The following CACNA2D2 variants were observed in gnomAD, a reference collection of about 807,000 sequenced individuals.
CACNA2D2 encodes calcium voltage-gated channel auxiliary subunit alpha2delta 2.
A neutral mutation model predicts 166.4 loss-of-function variants in CACNA2D2; 48 were observed. The ratio of observed to expected loss-of-function variants is 0.29; its 90% confidence interval spans 0.23 to 0.37. The LOEUF is 0.37. Ranked by LOEUF, CACNA2D2 falls within the 10% of genes least tolerant of loss-of-function variation. CACNA2D2 has a pLI of 1.00. For missense variants in CACNA2D2, 1,122 were observed against 1,433.0 expected (o/e 0.78, Z 3.50); for synonymous variants, 561 against 573.7 (o/e 0.98, Z 0.32).
At chr3:50,499,262 G>A (rs1195534528) in intron 1 of CACNA2D2, among the ~76,000 whole-genome samples, 4 of 152,222 alleles carry the variant, frequency 2.6e-5, no homozygotes, top group Non-Finnish European at 4.4e-5. Flanking sequence ...GCACAGTCAT[G>A]GCAGGGCAGC....
chr3:50,497,826 A>G (rs1483711008), intron 1 of CACNA2D2, among the ~76,000 whole-genome samples: 1 of 152,216 alleles, frequency 6.6e-6, no homozygotes, highest in Non-Finnish European at 1.5e-5. Flanking sequence ...CAAGAGAAGA[A>G]GGGAAGCAAA....
chr3:50,419,227 C>A (rs1363405965), intron 3 of CACNA2D2, among the ~76,000 whole-genome samples: 2 of 152,164 alleles, frequency 1.3e-5, no homozygotes, highest in African/African-American at 4.8e-5. Context: ...AAAACAGGGA[C>A]CTGAGGACAT....
chr3:50,441,651 G>A (rs1266675741), intron 2 of CACNA2D2, among the ~76,000 whole-genome samples: 1 of 152,264 alleles, frequency 6.6e-6, no homozygotes, highest in Non-Finnish European at 1.5e-5. Flanking sequence ...CCTGGGTGTA[G>A]CCCTTTGCTC....
intron 2 of CACNA2D2, among the ~76,000 whole-genome samples, chr3:50,439,059 T>C (rs780434969): frequency 2.6e-5 from 4 of 152,262 alleles, no homozygotes; most frequent in Non-Finnish European, 4.4e-5. Flanking sequence ...AAACTGCGGT[T>C]TGAACTGGGT....
intron 1 of CACNA2D2, among the ~76,000 whole-genome samples, chr3:50,479,053 A>G (rs1697925682): frequency 6.6e-6 from 1 of 152,220 alleles, no homozygotes; most frequent in Non-Finnish European, 1.5e-5. Flanking sequence ...ACACATTATT[A>G]TAATCATCAT....
intron 2 of CACNA2D2, among the ~76,000 whole-genome samples, chr3:50,464,423 C>G (rs1050111108): frequency 6.6e-6 from 1 of 152,180 alleles, no homozygotes; most frequent in African/African-American, 2.4e-5. Context: ...TCCTGGGCAA[C>G]AGAGGGGCAT....
Position 50,382,854 on chromosome 3 carries a change from G to A in CACNA2D2, c.652+1342C>T, listed in dbSNP as rs1418112584. 3.9e-5 allele frequency among the ~76,000 whole-genome samples: 6 copies of A among 152,200 alleles called. No individual in the cohort carries two copies. The South Asian group carries it at 8.3e-4, about 21-fold the overall frequency. On this transcript the variant is annotated intron_variant, in intron 6 of 37. Transcript: ENST00000424201. ...CAAGAGGAGACCCCTGCTCTGCGTGGGCTGTCCATGCAGGTACCTGTGACC... is the reference window on the plus strand; with the variant it reads ...CAAGAGGAGACCCCTGCTCTGCGTGAGCTGTCCATGCAGGTACCTGTGACC...
At chr3:50,451,349 C>T (rs1340063215) in intron 2 of CACNA2D2, among the ~76,000 whole-genome samples, 1 of 152,082 alleles carries the variant, frequency 6.6e-6, no homozygotes, top group Non-Finnish European at 1.5e-5. Context: ...TGGTCTTGAA[C>T]TCCTGACCTC....
In CACNA2D2 at chr3:50,363,506, A is replaced by G; in HGVS notation, c.*1160T>C. 1 of 369,622 alleles carries G rather than the reference A, an allele frequency of 2.7e-6. No individual in the cohort carries two copies. The highest frequency in any genetic ancestry group is 4.6e-6 in the Non-Finnish European group (1 of 215,270). The allele number at this position is 369,622 out of a possible 1,614,324, so 22.9% of individuals were successfully genotyped here. On this transcript the variant is annotated 3_prime_UTR_variant, in exon 38 of 38. Transcript: ENST00000424201. ...TGTGTGTGTGTTCAGCAAGGGAGGG[A>G]CAGTTTGGCCTCCTGCAAGCAGGGA...
At position 50,378,219 on chromosome 3, in the gene CACNA2D2, C is replaced by T. The variant is rs1359124490; in HGVS notation, c.1389+65G>A. The stretch of plus-strand genomic sequence containing the variant: ...GGGGGCGCCCTTGGCCCACAGCAGC[C>T]CATGGCACACAGCGTCCCTGCAGGG... On this transcript the variant is annotated intron_variant, in intron 14 of 37. Coordinates refer to ENST00000424201, the MANE Select transcript of CACNA2D2 (RefSeq NM_006030.4). 1.3e-5 allele frequency: 20 copies of T among 1,558,994 alleles called. No homozygotes were observed. The Admixed American group carries it at 3.8e-4, about 30-fold the overall frequency.
chr3:50,469,356 C>G (rs1006937776), intron 2 of CACNA2D2, among the ~76,000 whole-genome samples: 2 of 148,310 alleles, frequency 1.3e-5, no homozygotes, highest in East Asian at 3.9e-4. Context: ...TCTGCCCCAG[C>G]TTGGTGGCCT....
At chr3:50,473,049 C>A (rs538296999) in intron 2 of CACNA2D2, among the ~76,000 whole-genome samples, 3 of 152,174 alleles carry the variant, frequency 2.0e-5, no homozygotes, top group East Asian at 3.9e-4. Context: ...CAGGAGGATG[C>A]GACTCAGGGT....
In CACNA2D2 at chr3:50,365,207, G is replaced by T; in HGVS notation, c.3099-23C>A. 6.2e-7 allele frequency: 1 copy of T among 1,610,648 alleles called. No homozygotes were observed. Among genetic ancestry groups the T allele is most frequent in the Non-Finnish European group, 8.5e-7 (1 of 1,178,826 alleles). ...AGCCTGCGGGCAGCCCGGAAAGGCG[G>T]GGCGTTGAGTTTGCCCCGCCCTGAC... On this transcript the variant is annotated intron_variant, in intron 35 of 37. Coordinates refer to ENST00000424201, the MANE Select transcript of CACNA2D2 (RefSeq NM_006030.4). The surrounding 1 kb of genome is among the most constrained non-coding windows in gnomAD (Gnocchi z 4.5).
chr3:50,405,304 G>A (rs748740761), intron 3 of CACNA2D2, among the ~76,000 whole-genome samples: 6 of 151,128 alleles, frequency 4.0e-5, no homozygotes, highest in African/African-American at 7.3e-5. Context: ...GACGTGGAAT[G>A]GAGTCGTGGG....
rs1705162450 is a variant in CACNA2D2, at chr3:50,379,160, T to A, written c.1192A>T (p.Met398Leu). The stretch of plus-strand genomic sequence containing the variant: ...CGGTCCTCACCACCATCCGTGAACA[T>A]CATGATCATCTTGTTGCAGTTGGCC... ...TRANCNKMIM[M>L]FTDGGEDRVQ... Residue 398 changes from methionine to leucine, a missense_variant, in exon 12 of 38, where the codon ATG becomes TTG. Coordinates refer to ENST00000424201, the MANE Select transcript of CACNA2D2 (RefSeq NM_006030.4). The surrounding 1 kb of genome is among the most constrained non-coding windows in gnomAD (Gnocchi z 6.5). The A allele has an allele frequency of 6.2e-7, 1 of 1,613,972 alleles. No individual in the cohort carries two copies. Among genetic ancestry groups the A allele is most frequent in the Non-Finnish European group, 8.5e-7 (1 of 1,179,990 alleles).
intron 2 of CACNA2D2, among the ~76,000 whole-genome samples, chr3:50,465,807 A>G (rs1575732533): frequency 6.6e-6 from 1 of 152,102 alleles, no homozygotes; most frequent in Non-Finnish European, 1.5e-5. Flanking sequence ...TTTGTCTTGT[A>G]CTGTAGAAAG....
In CACNA2D2 at chr3:50,367,332, C is replaced by A; in HGVS notation, c.2401+62G>T. The A allele has an allele frequency of 6.8e-7, 1 of 1,475,662 alleles. No homozygotes were observed. Among genetic ancestry groups the A allele is most frequent in the Non-Finnish European group, 9.4e-7 (1 of 1,059,740 alleles). 91.4% of individuals were successfully genotyped at this position (1,475,662 alleles called of 1,614,324 possible). ...CTCAGACAGCAGAGCCCAGTTCTGG[C>A]TGAGCAGACAGGGAAGCTGAGGCTC... is the stretch of plus-strand genomic sequence containing the variant. On this transcript the variant is annotated intron_variant, in intron 27 of 37. Transcript: ENST00000424201. This position sits in a 1 kb window ranked among gnomAD's most constrained non-coding sequence, Gnocchi z 6.5.
At chr3:50,412,877 T>A (rs1288488393) in intron 3 of CACNA2D2, among the ~76,000 whole-genome samples, 1 of 152,206 alleles carries the variant, frequency 6.6e-6, no homozygotes, top group Non-Finnish European at 1.5e-5. Flanking sequence ...CAGAGATGTC[T>A]GGCACCATCT....
intron 3 of CACNA2D2, among the ~76,000 whole-genome samples, chr3:50,414,839 C>T (rs924772385): frequency 1.3e-5 from 2 of 152,220 alleles, no homozygotes; most frequent in African/African-American, 2.4e-5. Context: ...GCCAGGCCGG[C>T]GGCGCAGGGC....
Sources: gnomAD v4.1 joint callset for allele counts (sites outside exome capture counted in the v4.1 genomes callset) on GRCh38, gnomAD v4.1.1 for gene constraint, Gnocchi (gnomAD v3.1) non-coding constraint, MANE v1.5 for transcripts, NCBI Gene and HGNC (gene_info 2026-07-23, HGNC 2026-07-21) for gene names.